COL3A1: variants seen among roughly 807,000 people sequenced by gnomAD.
COL3A1 encodes the protein collagen alpha-1(III) chain.
COL3A1 carries 46 observed loss-of-function variants against 200.9 expected under a neutral mutation model. The observed-to-expected ratio is 0.23, with a 90% confidence interval of 0.18 to 0.29. The LOEUF (loss-of-function observed/expected upper bound fraction) is 0.29, where lower values mean the gene tolerates loss of function less well. Ranked by LOEUF, COL3A1 falls within the 10% of genes least tolerant of loss-of-function variation. COL3A1 has a pLI of 1.00. For missense variants in COL3A1, 1,367 were observed against 1,917.6 expected (o/e 0.71, Z 5.36); for synonymous variants, 650 against 628.0 (o/e 1.03, Z -0.52).
At chr2:189,010,996 G>A in intron 50 of COL3A1, 106 bp downstream of exon 50, 1 of 1,440,468 alleles carries the variant, frequency 6.9e-7, no homozygotes, top group Non-Finnish European at 9.6e-7. Flanking sequence ...ATGAAATAAA[G>A]ATAGCATTTG....
At position 188,994,404 on chromosome 2, in the gene COL3A1, A is replaced by G; in HGVS notation, c.1293+72A>G. 6.3e-7 allele frequency: 1 copy of G among 1,597,476 alleles called. No homozygotes were observed. Among genetic ancestry groups the G allele is most frequent in the Non-Finnish European group, 8.6e-7 (1 of 1,166,302 alleles). On this transcript the variant is annotated intron_variant, in intron 18 of 50. Coordinates refer to ENST00000304636, the MANE Select transcript of COL3A1 (RefSeq NM_000090.4). This position sits in a 1 kb window ranked among gnomAD's most constrained non-coding sequence, Gnocchi z 4.5. ...TTCCATCAACAAAAAATTAATAGCAAAATTTTGCTCCTGTTCAGTTGAATT... is the reference window on the plus strand; with the variant it reads ...TTCCATCAACAAAAAATTAATAGCAGAATTTTGCTCCTGTTCAGTTGAATT...
intron 41 of COL3A1, 56 bp from the exon 42 acceptor site, chr2:189,006,149 GA>G: frequency 6.4e-7 from 1 of 1,570,602 alleles, no homozygotes; most frequent in Non-Finnish European, 8.8e-7. Context: ...ATGCATGGAT[GA>G]AATGGCATTT....
At chr2:189,010,144 T>A (rs1485503798) in intron 48 of COL3A1, 34 bp from the exon 49 acceptor site, 1 of 1,608,150 alleles carries the variant, frequency 6.2e-7, no homozygotes, top group African/African-American at 1.3e-5. Context: ...CTGGATTTTA[T>A]AACCAATTCC....
rs531748030 is a variant in COL3A1, at chr2:189,003,624, A to G, written c.2608-110A>G. ...TAAATTCCAAGGGGAAACACAAACC[A>G]TAAATGACTTTCAGGTACAATGCAG... On this transcript the variant is annotated intron_variant, in intron 37 of 50. Coordinates refer to ENST00000304636, the MANE Select transcript of COL3A1 (RefSeq NM_000090.4). 16 of 1,384,392 alleles carry G rather than the reference A, an allele frequency of 1.2e-5. No individual in the cohort carries two copies. The East Asian group carries it at 2.8e-4, about 24-fold the overall frequency. The allele number at this position is 1,384,392 out of a possible 1,614,324, so 85.8% of individuals were successfully genotyped here. A position where few individuals can be genotyped will look rare whatever the true frequency, so the allele number is the denominator to read the frequency against.
At chr2:188,985,015 A>G in intron 2 of COL3A1, 53 bp downstream of exon 2, 2 of 1,541,578 alleles carry the variant, frequency 1.3e-6, no homozygotes, top group Non-Finnish European at 1.8e-6. Flanking sequence ...AGACACATGA[A>G]TAGCTCCTAT....
intron 35 of COL3A1, 117 bp from the exon 36 acceptor site, chr2:189,002,838 A>T (rs901535386): frequency 1.3e-5 from 11 of 837,930 alleles, no homozygotes; most frequent in Admixed American, 6.5e-5. Flanking sequence ...CCTTGTTTTT[A>T]AATTTTATTT....
chr2:188,985,107 A>G (rs758551826), intron 2 of COL3A1, 90 bp from the exon 3 acceptor site: 6 of 1,453,854 alleles, frequency 4.1e-6, no homozygotes, highest in East Asian at 4.6e-5. Context: ...GACCGTTTCA[A>G]TTTAAAGATA....
At chr2:188,976,804 G>C (rs1278625780) in intron 1 of COL3A1, among the ~76,000 whole-genome samples, 1 of 152,140 alleles carries the variant, frequency 6.6e-6, no homozygotes, top group African/African-American at 2.4e-5. Flanking sequence ...AACATAGTCT[G>C]TTTTATATTT....
Position 188,992,247 on chromosome 2 carries a change from C to T in COL3A1, c.996+19C>T. ...TCAACCAGTAAGTAACTTTCTATCTCTTATGTGTTGTAGGGTAATGAGAAG... is the reference window on the plus strand; with the variant it reads ...TCAACCAGTAAGTAACTTTCTATCTTTTATGTGTTGTAGGGTAATGAGAAG... On this transcript the variant is annotated intron_variant, in intron 14 of 50. Coordinates refer to ENST00000304636, the MANE Select transcript of COL3A1 (RefSeq NM_000090.4). 6.2e-7 allele frequency: 1 copy of T among 1,612,086 alleles called. No individual in the cohort carries two copies. Among genetic ancestry groups the T allele is most frequent in the Non-Finnish European group, 8.5e-7 (1 of 1,178,502 alleles).
At chr2:189,006,290 G>A (rs1433619086) in intron 42 of COL3A1, 31 bp downstream of exon 42, 2 of 1,613,874 alleles carry the variant, frequency 1.2e-6, no homozygotes, top group East Asian at 2.2e-5. Flanking sequence ...ATTGATTTGT[G>A]TTATCAAAAT....
At chr2:188,991,352 A>G in intron 11 of COL3A1, 135 bp from the exon 12 acceptor site, 2 of 662,232 alleles carry the variant, frequency 3.0e-6, no homozygotes, top group East Asian at 5.9e-5. Context: ...ATAAAATACT[A>G]ACAGAAAATT....
At position 189,007,866 on chromosome 2, in the gene COL3A1, A is replaced by G; in HGVS notation, c.3364-19A>G. 1 of 1,613,586 alleles carries G rather than the reference A, an allele frequency of 6.2e-7. No individual in the cohort carries two copies. Among genetic ancestry groups the G allele is most frequent in the Non-Finnish European group, 8.5e-7 (1 of 1,179,970 alleles). On this transcript the variant is annotated intron_variant, in intron 45 of 50. Transcript: ENST00000304636. ...CTTTTTAAGGCCTTCACTCCTATGT[A>G]CACTTCCTTTCTTTCCAGGGCCCTG... is the stretch of plus-strand genomic sequence containing the variant.
At chr2:188,978,412 G>T (rs1335424619) in intron 1 of COL3A1, among the ~76,000 whole-genome samples, 1 of 151,892 alleles carries the variant, frequency 6.6e-6, no homozygotes, top group African/African-American at 2.4e-5. Context: ...CTACATCTAC[G>T]GTCACATGCT....
At position 189,004,022 on chromosome 2, in the gene COL3A1, A is replaced by G. The variant is rs200717132; in HGVS notation, c.2702A>G (p.Lys901Arg). 6.2e-7 allele frequency: 1 copy of G among 1,613,066 alleles called. No homozygotes were observed. The highest frequency in any genetic ancestry group is 2.2e-5 in the East Asian group (1 of 44,864). ...GPPGPSGSPG[K>R]DGPPGPAGNT... ...CCAGGTCCCAGCGGTTCTCCAGGCA[A>G]GGATGGGCCCCCAGGTCCTGCGGGT... Residue 901 changes from lysine (K) to arginine (R), a missense_variant, in exon 39 of 51, where the codon AAG becomes AGG. By Grantham distance (26) the Lys-to-Arg change is conservative. Around this residue, in one of 5 missense-constraint regions of COL3A1, gnomAD observed 846 missense variants for 1,147.9 expected, o/e 0.74. Coordinates refer to ENST00000304636, the MANE Select transcript of COL3A1 (RefSeq NM_000090.4).
At chr2:188,997,678 G>T in intron 26 of COL3A1, 22 bp from the exon 27 acceptor site, 1 of 1,607,712 alleles carries the variant, frequency 6.2e-7, no homozygotes, top group East Asian at 2.2e-5. Flanking sequence ...TTACAACAGA[G>T]TGTATCATTA....
chr2:189,002,447 C>A, intron 35 of COL3A1, 96 bp downstream of exon 35: 2 of 1,055,266 alleles, frequency 1.9e-6, no homozygotes, highest in South Asian at 2.6e-5. Context: ...TTTCTAGTCT[C>A]ATTTTAGCTG....
At chr2:188,992,841 C>G (rs1011901539) in intron 14 of COL3A1, 46 bp from the exon 15 acceptor site, 2 of 1,519,592 alleles carry the variant, frequency 1.3e-6, no homozygotes, top group Non-Finnish European at 1.8e-6. Flanking sequence ...TGTCAGCTTT[C>G]ATTTAGTTGA....
At chr2:189,008,718 A>G in intron 47 of COL3A1, 1 of 619,334 alleles carries the variant, frequency 1.6e-6, no homozygotes. Context: ...TACATAGTGG[A>G]ACAATATCTT....
intron 1 of COL3A1, chr2:188,977,970 T>G (rs1687858523): frequency 3.4e-6 from 1 of 297,622 alleles, no homozygotes; most frequent in African/African-American, 2.3e-5. Flanking sequence ...TAAAGTATTA[T>G]AACACTTTGT....
Sources: allele counts gnomAD v4.1 joint callset (sites outside exome capture counted in the v4.1 genomes callset), GRCh38; gene constraint gnomAD v4.1.1; regional missense constraint gnomAD v4.1.1; non-coding constraint Gnocchi (gnomAD v3.1); transcripts MANE v1.5; gene names NCBI Gene and HGNC (gene_info 2026-07-23, HGNC 2026-07-21).